Variants in BATF3 observed in about 807,000 individuals in gnomAD.
BATF3 encodes the protein basic leucine zipper ATF-like transcription factor 3.
BATF3 carries 8 observed loss-of-function variants against 16.1 expected under a neutral mutation model. That is an observed-to-expected ratio of 0.50 (90% CI 0.29 to 0.90). BATF3 has a LOEUF of 0.90. Ranked by LOEUF, BATF3 falls within the 40% of genes least tolerant of loss-of-function variation. The pLI, the probability that BATF3 is intolerant of heterozygous loss-of-function variation, is 0.08. For synonymous variants in BATF3, 74 were observed against 72.7 expected (o/e 1.02, Z -0.09); for missense variants, 139 against 167.0 (o/e 0.83, Z 0.92).
At chr1:212,695,076 C>G (rs1203795046) in intron 2 of BATF3, among the ~76,000 whole-genome samples, 1 of 152,174 alleles carries the variant, frequency 6.6e-6, no homozygotes, top group Admixed American at 6.5e-5. Context: ...ACGAGCATGG[C>G]AGGAGACCTG....
intron 2 of BATF3, among the ~76,000 whole-genome samples, chr1:212,694,753 A>G (rs996165371): frequency 1.3e-5 from 2 of 152,190 alleles, no homozygotes. Context: ...GAAAGAAAGG[A>G]GGCAAAGGGC....
intron 2 of BATF3, among the ~76,000 whole-genome samples, chr1:212,694,543 T>G (rs80341252): frequency 0.022 from 3,409 of 152,306 alleles, 108 homozygotes; most frequent in African/African-American, 0.074. Context: ...TTACAACTGA[T>G]GTTTTTAAAA....
rs1160509841 is a variant in BATF3, at chr1:212,699,185, G to A, written c.90+488C>T. Among the ~76,000 whole-genome samples, 1 of 152,248 alleles carries A rather than the reference G, an allele frequency of 6.6e-6. No individual in the cohort carries two copies. The highest frequency in any genetic ancestry group is 1.5e-5 in the Non-Finnish European group (1 of 68,044). ...GGCAAAGGGTTTCCACCAGCTGGGG[G>A]CGGAGTCGGCCCTTTGTGGGTTCCC... On this transcript the variant is annotated intron_variant, in intron 1 of 2. Transcript: ENST00000243440. The surrounding 1 kb of genome is among the most constrained non-coding windows in gnomAD (Gnocchi z 4.4).
chr1:212,699,833 G>A lies in BATF3; in HGVS notation c.-71C>T. ...CCTGCCCGTGGGGCTGCCTACGGGC[G>A]CTGTCCCGCCGCCGGCATCCTCGTG... On this transcript the variant is annotated 5_prime_UTR_variant, in exon 1 of 3. Transcript: ENST00000243440. This position sits in a 1 kb window ranked among gnomAD's most constrained non-coding sequence, Gnocchi z 4.4. 2.0e-6 allele frequency: 2 copies of A among 988,928 alleles called. No homozygotes were observed. The highest frequency in any genetic ancestry group is 2.5e-6 in the Non-Finnish European group (2 of 804,538). The allele number at this position is 988,928 out of a possible 1,614,324, so 61.3% of individuals were successfully genotyped here. A position where few individuals can be genotyped will look rare whatever the true frequency, so the allele number is the denominator to read the frequency against.
rs778162042 is a variant in BATF3 at position 212,686,816 on chromosome 1, G to C, written c.359C>G (p.Pro120Arg). 7.6e-5 allele frequency: 122 copies of C among 1,612,918 alleles called. No homozygotes were observed. In the East Asian group the frequency reaches 2.7e-3, roughly 36 times the overall value. Reference sequence around the variant, plus strand: ...TCATCGGGGCAAGCAGCCGGCCACAGGGTCCGGCCGGGGAGGCACTGGCAC... The same window carrying C: ...TCATCGGGGCAAGCAGCCGGCCACACGGTCCGGCCGGGGAGGCACTGGCAC... ...NFVPVPPRPDPVAGCLPR is the reference protein window; with the variant it reads ...NFVPVPPRPDRVAGCLPR Residue 120 changes from proline to arginine, a missense_variant, in exon 3 of 3, where the codon CCT becomes CGT. Pro to Arg is a moderately radical substitution (Grantham distance 103, BLOSUM62 -2). Transcript: ENST00000243440.
chr1:212,693,746 A>G (rs1657059692), intron 2 of BATF3, among the ~76,000 whole-genome samples: 1 of 152,252 alleles, frequency 6.6e-6, no homozygotes, highest in Non-Finnish European at 1.5e-5. Context: ...TGGTTCACTC[A>G]GTTATCAAAT....
chr1:212,699,002 G>C lies in BATF3; in HGVS notation c.90+671C>G, dbSNP rs989610373. ...ATGACATGGGCCGGGCGCTGAATTG[G>C]GAAGGTGGGGAGTAAGGATGAAAAG... On this transcript the variant is annotated intron_variant, in intron 1 of 2. Coordinates refer to ENST00000243440, the MANE Select transcript of BATF3 (RefSeq NM_018664.3). This position sits in a 1 kb window ranked among gnomAD's most constrained non-coding sequence, Gnocchi z 4.4. 6.6e-6 allele frequency among the ~76,000 whole-genome samples: 1 copy of C among 152,204 alleles called. No homozygotes were observed. The highest frequency in any genetic ancestry group is 2.4e-5 in the African/African-American group (1 of 41,440).
chr1:212,691,840 C>A (rs1657004595), intron 2 of BATF3, among the ~76,000 whole-genome samples: 1 of 152,204 alleles, frequency 6.6e-6, no homozygotes, highest in Non-Finnish European at 1.5e-5. Context: ...GAGACGAGAC[C>A]CTGACTGTTC....
Position 212,686,936 on chromosome 1 carries a change from T to C in BATF3, c.239A>G (p.Glu80Gly). 1 of 1,613,694 alleles carries C rather than the reference T, an allele frequency of 6.2e-7. No individual in the cohort carries two copies. The highest frequency in any genetic ancestry group is 1.1e-5 in the South Asian group (1 of 91,064). ...CAGCTCCTCTGTCAGCTTCCCGATCTCTCTCCGCAGCATGGTGTTTTCTTG... is the reference window on the plus strand; with the variant it reads ...CAGCTCCTCTGTCAGCTTCCCGATCCCTCTCCGCAGCATGGTGTTTTCTTG... ...LEQENTMLRREIGKLTEELKH... is the reference protein window; with the variant it reads ...LEQENTMLRRGIGKLTEELKH... Residue 80 changes from glutamate to glycine, a missense_variant, in exon 3 of 3, where the codon GAG (glutamate) becomes GGG (glycine). Physicochemically the swap from Glu to Gly is moderately conservative, Grantham distance 98 (BLOSUM62 -2). Transcript: ENST00000243440.
At chr1:212,690,508 C>G (rs1656976982) in intron 2 of BATF3, among the ~76,000 whole-genome samples, 1 of 152,138 alleles carries the variant, frequency 6.6e-6, no homozygotes, top group Non-Finnish European at 1.5e-5. Context: ...AAGTCAAAAT[C>G]TTTAGGTGAG....
Position 212,699,258 on chromosome 1 carries a change from C to CCCG in BATF3, c.90+414_90+415insCGG, listed in dbSNP as rs1257901907. On this transcript the variant is annotated intron_variant, in intron 1 of 2. Coordinates refer to ENST00000243440, the MANE Select transcript of BATF3 (RefSeq NM_018664.3). The surrounding 1 kb of genome is among the most constrained non-coding windows in gnomAD (Gnocchi z 4.4). ...GCGTTCTCCATTCCCGCGGCAGCAC[C>CCCG]CCCCCCACCCGGGGGAATCCTGGAG... Among the ~76,000 whole-genome samples the CCCG allele has an allele frequency of 6.6e-6, 1 of 152,068 alleles. No individual in the cohort carries two copies. Among genetic ancestry groups the CCCG allele is most frequent in the Non-Finnish European group, 1.5e-5 (1 of 67,956 alleles).
In BATF3 at chr1:212,697,020, G is replaced by C; in HGVS notation, c.136C>G (p.Arg46Gly). Residue 46 changes from arginine (R) to glycine (G), a missense_variant, in exon 2 of 3, where the codon CGA becomes GGA. Arg to Gly is a moderately radical substitution (Grantham distance 125). Transcript: ENST00000243440. ...DRKVRRREKN[R>G]VAAQRSRKKQ... ...TTCCGACTTCTCTGAGCAGCAACTC[G>C]GTTTTTTTCTCTCCTTCGGACCTTC... The C allele has an allele frequency of 6.2e-7, 1 of 1,614,098 alleles. No homozygotes were observed. Among genetic ancestry groups the C allele is most frequent in the Non-Finnish European group, 8.5e-7 (1 of 1,180,034 alleles).
chr1:212,687,835 G>A (rs1174198473), intron 2 of BATF3, among the ~76,000 whole-genome samples: 2 of 151,712 alleles, frequency 1.3e-5, no homozygotes, highest in Admixed American at 6.6e-5. Flanking sequence ...GCTCTGCCAG[G>A]AGGATTGCTT....
chr1:212,698,688 C>T (rs1657187569), intron 1 of BATF3: 1 of 152,212 alleles, frequency 6.6e-6, no homozygotes, highest in South Asian at 2.1e-4. Flanking sequence ...ATACTGCCCT[C>T]GGGGAGCTGA....
chr1:212,699,186 C>T lies in BATF3; in HGVS notation c.90+487G>A, dbSNP rs1024615601. Among the ~76,000 whole-genome samples the T allele has an allele frequency of 3.0e-4, 46 of 152,210 alleles. No homozygotes were observed. The highest frequency in any genetic ancestry group is 7.3e-5 in the Non-Finnish European group (5 of 68,030). ...GCAAAGGGTTTCCACCAGCTGGGGGCGGAGTCGGCCCTTTGTGGGTTCCCT... is the reference window on the plus strand; with the variant it reads ...GCAAAGGGTTTCCACCAGCTGGGGGTGGAGTCGGCCCTTTGTGGGTTCCCT... On this transcript the variant is annotated intron_variant, in intron 1 of 2. Coordinates refer to ENST00000243440, the MANE Select transcript of BATF3 (RefSeq NM_018664.3). The surrounding 1 kb of genome is among the most constrained non-coding windows in gnomAD (Gnocchi z 4.4).
At chr1:212,688,945 T>G (rs1413978720) in intron 2 of BATF3, among the ~76,000 whole-genome samples, 1 of 152,138 alleles carries the variant, frequency 6.6e-6, no homozygotes, top group Non-Finnish European at 1.5e-5. Flanking sequence ...CAAAGACACA[T>G]GCAAATTCTC....
chr1:212,695,261 G>A (rs1325722129), intron 2 of BATF3, among the ~76,000 whole-genome samples: 4 of 152,096 alleles, frequency 2.6e-5, no homozygotes, highest in African/African-American at 7.2e-5. Context: ...TTGGGAGGCC[G>A]AGGCGGGTGA....
At chr1:212,697,433 T>C (rs932213959) in intron 1 of BATF3, 3 of 135,716 alleles carry the variant, frequency 2.2e-5, no homozygotes, top group African/African-American at 9.0e-5. Flanking sequence ...GGAAGAGCTG[T>C]GGTGTCAATG....
At chr1:212,698,120 GAATA>G (rs1380587784) in intron 1 of BATF3, 1 of 152,158 alleles carries the variant, frequency 6.6e-6, no homozygotes, top group Non-Finnish European at 1.5e-5. Flanking sequence ...AAAAGGAGAG[GAATA>G]AATAACATAC....
Sources: gnomAD v4.1 joint callset for allele counts (sites outside exome capture counted in the v4.1 genomes callset) on GRCh38, gnomAD v4.1.1 for gene constraint, Gnocchi (gnomAD v3.1) non-coding constraint, MANE v1.5 for transcripts, NCBI Gene and HGNC (gene_info 2026-07-23, HGNC 2026-07-21) for gene names.